CDH23: variants seen among roughly 807,000 people sequenced by gnomAD.
The protein encoded by CDH23 is cadherin related 23, also known as cadherin-23.
CDH23 carries 189 observed loss-of-function variants against 317.1 expected under a neutral mutation model. The observed-to-expected ratio is 0.60, with a 90% CI of 0.53 to 0.67. The LOEUF (loss-of-function observed/expected upper bound fraction) is 0.67, where lower values mean the gene tolerates loss of function less well. Ranked by LOEUF, CDH23 falls within the 30% of genes least tolerant of loss-of-function variation. The pLI, the probability that CDH23 is intolerant of heterozygous loss-of-function variation, is 0.00. For synonymous variants in CDH23, 1,839 were observed against 1,876.8 expected (o/e 0.98, Z 0.52); for missense variants, 4,401 against 4,592.4 (o/e 0.96, Z 1.20).
At chr10:71,470,203 G>A (rs958584522) in intron 3 of CDH23, among the ~76,000 whole-genome samples, 3 of 152,132 alleles carry the variant, frequency 2.0e-5, no homozygotes. Context: ...CCTTCCCACT[G>A]GCAGTGGGCG....
intron 13 of CDH23, 75 bp downstream of exon 13, chr10:71,646,055 A>T: frequency 6.5e-7 from 1 of 1,534,258 alleles, no homozygotes; most frequent in Non-Finnish European, 8.8e-7. Flanking sequence ...AGGGTAGAAG[A>T]TTCCCTTAGA....
At chr10:71,507,196 C>G (rs1853690410) in intron 3 of CDH23, among the ~76,000 whole-genome samples, 1 of 152,138 alleles carries the variant, frequency 6.6e-6, no homozygotes, top group African/African-American at 2.4e-5. Flanking sequence ...CATTGTTGCA[C>G]CTGGACAAGC....
rs754652051 is a variant in CDH23 at position 71,449,948 on chromosome 10, G to A, written c.145+3553G>A. On this transcript the variant is annotated intron_variant, in intron 3 of 69. Coordinates refer to ENST00000224721, the MANE Select transcript of CDH23 (RefSeq NM_022124.6). The stretch of plus-strand genomic sequence containing the variant: ...TCTTTTTGAAGACCGTCTACCAGCC[G>A]GAGAAGACAGAAGCCAAATGAAGTC... Among the ~76,000 whole-genome samples the A allele has an allele frequency of 5.9e-5, 9 of 152,322 alleles. No homozygotes were observed. The East Asian group carries it at 7.7e-4, about 13-fold the overall frequency.
At chr10:71,508,561 T>C (rs995954463) in intron 3 of CDH23, among the ~76,000 whole-genome samples, 1 of 152,258 alleles carries the variant, frequency 6.6e-6, no homozygotes, top group African/African-American at 2.4e-5. Flanking sequence ...CATCATCATG[T>C]TAGAACTGTC....
intron 34 of CDH23, among the ~76,000 whole-genome samples, chr10:71,736,376 C>T (rs1390285455): frequency 6.6e-6 from 1 of 152,218 alleles, no homozygotes; most frequent in Non-Finnish European, 1.5e-5. Context: ...GGAACCCAAA[C>T]CACAGCTCAC....
intron 1 of CDH23, among the ~76,000 whole-genome samples, chr10:71,415,488 G>A (rs1218248565): frequency 6.6e-6 from 1 of 152,014 alleles, no homozygotes; most frequent in Admixed American, 6.5e-5. Flanking sequence ...ACTGATTTTT[G>A]TGTATTAAAT....
chr10:71,719,775 G>C (rs1178789421), intron 28 of CDH23: 1 of 152,568 alleles, frequency 6.6e-6, no homozygotes, highest in African/African-American at 2.4e-5. Flanking sequence ...CTGGCCAGCA[G>C]AGTGGCCTCC....
rs7903475 is a variant in CDH23 at position 71,617,312 on chromosome 10, C to T, written c.1053C>T (p.Ser351=). 21,673 of 1,613,836 alleles carry T rather than the reference C, an allele frequency of 0.013. 2,278 individuals carry two copies. The African/African-American group carries it at 0.24, about 18-fold the overall frequency. ...ACAATGCCCCGGAGTTCAACAGCTC[C>T]GAGTACAGCGTGGCCATCACTGAGC... is the stretch of plus-strand genomic sequence containing the variant. ...INDNAPEFNS[S]EYSVAITELA... is the part of the protein sequence containing the mutation. Residue 351 remains serine (S), a synonymous_variant, in exon 11 of 70, where the codon TCC becomes TCT. Coordinates refer to ENST00000224721, the MANE Select transcript of CDH23 (RefSeq NM_022124.6).
intron 29 of CDH23, among the ~76,000 whole-genome samples, chr10:71,725,154 C>T (rs1431122654): frequency 3.3e-5 from 5 of 152,202 alleles, no homozygotes; most frequent in Non-Finnish European, 7.3e-5. Flanking sequence ...CAGGCCTTCC[C>T]GGAGCAGGTG....
Position 71,815,407 on chromosome 10 carries a change from C to A in CDH23, c.*129C>A. On this transcript the variant is annotated 3_prime_UTR_variant, in exon 70 of 70. Transcript: ENST00000224721. ...GGCCTTGGGGACAACCTTGGCTTGG[C>A]CCTGGCAGCCCGCATCAGCTGCTCA... The A allele has an allele frequency of 1.2e-6, 1 of 826,132 alleles. No individual in the cohort carries two copies. The highest frequency in any genetic ancestry group is 1.8e-6 in the Non-Finnish European group (1 of 551,480). 51.2% of individuals were successfully genotyped at this position (826,132 alleles called of 1,614,324 possible).
In CDH23 at chr10:71,807,394, T is replaced by A; in HGVS notation, c.8296T>A (p.Tyr2766Asn). 6.2e-7 allele frequency: 1 copy of A among 1,613,898 alleles called. No homozygotes were observed. The highest frequency in any genetic ancestry group is 1.1e-5 in the South Asian group (1 of 91,070). The change falls in exon 58 of 70, where the codon TAC becomes AAC. Residue 2766 changes from tyrosine to asparagine, a missense_variant. Tyr to Asn is a moderately radical substitution (Grantham distance 143). Around this residue, in one of 3 missense-constraint regions of CDH23, gnomAD observed 1,144 missense variants for 1,138.2 expected, o/e 1.01. Coordinates refer to ENST00000224721, the MANE Select transcript of CDH23 (RefSeq NM_022124.6). ...TGAGGGCCCCAACGCGATCGTGTAC[T>A]ACTTCATCGCAGGTGGGGCCAGACA... ...ADEGPNAIVY[Y>N]FIAAGNEEKN...
At chr10:71,716,424 A>AT in intron 28 of CDH23, 1 of 1,149,830 alleles carries the variant, frequency 8.7e-7, no homozygotes, top group Non-Finnish European at 1.2e-6. Context: ...TACCTAGGGA[A>AT]TGTGGATGGG....
At chr10:71,635,107 G>T (rs1376493383) in intron 11 of CDH23, 1 of 152,412 alleles carries the variant, frequency 6.6e-6, no homozygotes, top group African/African-American at 2.4e-5. Flanking sequence ...GTATAACTGG[G>T]CTTTGGAAGT....
At chr10:71,675,903 CTT>C (rs66656163) in intron 15 of CDH23, among the ~76,000 whole-genome samples, 6 of 120,870 alleles carry the variant, frequency 5.0e-5, no homozygotes, top group East Asian at 4.9e-4. Context: ...AGCCCTCTAA[CTT>C]TTTTTTTTTT....
chr10:71,665,167 G>C (rs534017730), intron 14 of CDH23, among the ~76,000 whole-genome samples: 1 of 152,280 alleles, frequency 6.6e-6, no homozygotes, highest in African/African-American at 2.4e-5. Flanking sequence ...CTAGTGGTGG[G>C]GGGAAGCCCA....
chr10:71,805,662 C>T (rs374103743), intron 55 of CDH23, 144 bp from the exon 56 acceptor site: 4 of 782,078 alleles, frequency 5.1e-6, no homozygotes, highest in African/African-American at 1.7e-5. Flanking sequence ...AGAATCCAGC[C>T]GAGCAGGCAG....
chr10:71,489,333 C>A (rs1231943555), intron 3 of CDH23, among the ~76,000 whole-genome samples: 6 of 152,134 alleles, frequency 3.9e-5, no homozygotes, highest in Admixed American at 3.9e-4. Context: ...TTCACTAATT[C>A]TCTTTCCAGC....
At chr10:71,404,821 G>A (rs530117973) in intron 1 of CDH23, among the ~76,000 whole-genome samples, 12 of 152,332 alleles carry the variant, frequency 7.9e-5, no homozygotes, top group Admixed American at 5.9e-4. Flanking sequence ...TGAGGCAGGC[G>A]GTTAGCGATA....
At chr10:71,580,170 C>G (rs2132408539) in intron 9 of CDH23, among the ~76,000 whole-genome samples, 1 of 152,374 alleles carries the variant, frequency 6.6e-6, no homozygotes, top group South Asian at 2.1e-4. Context: ...TCCAGCCAGA[C>G]CCACCTCTCT....
Sources: gnomAD v4.1 joint callset for allele counts (sites outside exome capture counted in the v4.1 genomes callset) on GRCh38, gnomAD v4.1.1 for gene constraint, gnomAD v4.1.1 regional missense constraint, MANE v1.5 for transcripts, NCBI Gene and HGNC (gene_info 2026-07-23, HGNC 2026-07-21) for gene names.